Variants in ATP2C1 observed in about 807,000 individuals in gnomAD.
ATP2C1 encodes the protein calcium-transporting ATPase type 2C member 1.
Under a neutral mutation model 120.5 loss-of-function variants are expected in ATP2C1, and 31 were observed. The ratio of observed to expected loss-of-function variants is 0.26; its 90% CI spans 0.19 to 0.35. The LOEUF (loss-of-function observed/expected upper bound fraction) is 0.35, where lower values mean the gene tolerates loss of function less well. ATP2C1 is among the 10% of genes least tolerant of loss of function. ATP2C1 has a pLI of 1.00. For synonymous variants in ATP2C1, 351 were observed against 358.7 expected, an observed-to-expected ratio of 0.98 and a Z score of 0.24; for missense variants, 731 against 1,107.5, an observed-to-expected ratio of 0.66 and a Z score of 4.83.
intron 26 of ATP2C1, among the ~76,000 whole-genome samples, chr3:131,012,439 G>A (rs2063360544): frequency 6.6e-6 from 1 of 151,766 alleles, no homozygotes; most frequent in Admixed American, 6.6e-5. Flanking sequence ...TGTATTTTTA[G>A]TAGAGACGGG....
chr3:131,006,635 T>TTGTGTGTGTG (rs3073260), downstream of ATP2C1, among the ~76,000 whole-genome samples: 2 of 147,166 alleles, frequency 1.4e-5, no homozygotes, highest in East Asian at 4.0e-4. Context: ...TAGTGTGTGT[T>TTGTGTGTGTG]TGTGTGTGTG....
Position 130,894,587 on chromosome 3 carries a change from C to T in ATP2C1, c.-180-3C>T. ...GCGCCGCTTCTCCTGGTTTCTCTTG[C>T]AGATGCTGCTGCTAGGGGTGGTGGG... is the stretch of plus-strand genomic sequence containing the variant. On this transcript the variant is annotated splice_polypyrimidine_tract_variant and splice_region_variant and intron_variant, in intron 1 of 27. Transcript: ENST00000510168. This position sits in a 1 kb window ranked among gnomAD's most constrained non-coding sequence, Gnocchi z 4.5. 6.7e-7 allele frequency: 1 copy of T among 1,490,286 alleles called. No individual in the cohort carries two copies. Among genetic ancestry groups the T allele is most frequent in the Non-Finnish European group, 8.9e-7 (1 of 1,119,734 alleles). The allele number at this position is 1,490,286 out of a possible 1,614,324, so 92.3% of individuals were successfully genotyped here.
downstream of ATP2C1, among the ~76,000 whole-genome samples, chr3:131,006,012 C>T (rs1378357092): frequency 1.3e-5 from 2 of 152,000 alleles, no homozygotes; most frequent in East Asian, 1.9e-4. Flanking sequence ...AGGTATGCCA[C>T]GTAAGGAAAC....
chr3:130,944,645 A>T (rs1050753918), intron 8 of ATP2C1, among the ~76,000 whole-genome samples: 1 of 152,230 alleles, frequency 6.6e-6, no homozygotes, highest in South Asian at 2.1e-4. Context: ...ACTTTTTGGG[A>T]TACATAGTTA....
chr3:130,975,872 A>C (rs1226418279), intron 18 of ATP2C1, among the ~76,000 whole-genome samples: 1 of 152,218 alleles, frequency 6.6e-6, no homozygotes, highest in Non-Finnish European at 1.5e-5. Context: ...TATATCCTTT[A>C]AGGTGATTGC....
At chr3:130,970,476 C>T (rs1001158589) in intron 17 of ATP2C1, among the ~76,000 whole-genome samples, 6 of 151,982 alleles carry the variant, frequency 3.9e-5, no homozygotes, top group African/African-American at 1.5e-4. Flanking sequence ...ACTGCAACCT[C>T]AACCTCCCCT....
intron 6 of ATP2C1, among the ~76,000 whole-genome samples, chr3:130,939,502 A>G (rs1262656592): frequency 1.3e-5 from 2 of 152,218 alleles, no homozygotes; most frequent in African/African-American, 4.8e-5. Flanking sequence ...TCATTTTGAT[A>G]TAGAGGTATC....
At chr3:130,922,661 AC>A (rs2059022062) in intron 2 of ATP2C1, among the ~76,000 whole-genome samples, 1 of 151,962 alleles carries the variant, frequency 6.6e-6, no homozygotes, top group African/African-American at 2.4e-5. Flanking sequence ...TGTCACTGTT[AC>A]CCCTCAGTTC....
At chr3:130,925,090 C>G (rs2059144563) in intron 2 of ATP2C1, among the ~76,000 whole-genome samples, 1 of 152,120 alleles carries the variant, frequency 6.6e-6, no homozygotes, top group South Asian at 2.1e-4. Context: ...GAGAGTTCGT[C>G]TTTGTTCGGA....
At chr3:130,986,913 GTTTAGTTTAGTTAGT>G (rs1407755999) in intron 20 of ATP2C1, among the ~76,000 whole-genome samples, 23 of 34,366 alleles carry the variant, frequency 6.7e-4, no homozygotes, top group African/African-American at 1.5e-3. Context: ...GTTTAGTTTA[GTTTAGTTTAGTTAGT>G]TTAGTTTAGT....
intron 1 of ATP2C1, among the ~76,000 whole-genome samples, chr3:130,878,310 C>G (rs112450670): frequency 0.013 from 2,044 of 152,096 alleles, 41 homozygotes; most frequent in African/African-American, 0.047. Flanking sequence ...AAATGTTTAG[C>G]CCTAAGGTTG....
chr3:131,012,352 G>A (rs2063355149), intron 26 of ATP2C1, among the ~76,000 whole-genome samples: 1 of 150,918 alleles, frequency 6.6e-6, no homozygotes, highest in South Asian at 2.1e-4. Context: ...CTGTCTCCCG[G>A]GTTCAAGCAG....
At chr3:130,958,165 G>A (rs990010654) in intron 11 of ATP2C1, among the ~76,000 whole-genome samples, 1 of 151,940 alleles carries the variant, frequency 6.6e-6, no homozygotes, top group Non-Finnish European at 1.5e-5. Flanking sequence ...TTATATGTTA[G>A]TATATTACAT....
chr3:130,929,352 A>G (rs1254891288), intron 2 of ATP2C1, among the ~76,000 whole-genome samples: 1 of 152,222 alleles, frequency 6.6e-6, no homozygotes, highest in Non-Finnish European at 1.5e-5. Flanking sequence ...AAATGCAAAA[A>G]GCCTTTATGT....
rs2062895717 is a variant in ATP2C1 at position 131,001,747 on chromosome 3, T to C, written c.*397T>C. 1.0e-6 allele frequency: 1 copy of C among 979,384 alleles called. No homozygotes were observed. Among genetic ancestry groups the C allele is most frequent in the Non-Finnish European group, 1.2e-6 (1 of 824,002 alleles). 60.7% of individuals were successfully genotyped at this position (979,384 alleles called of 1,614,324 possible). A position where few individuals can be genotyped will look rare whatever the true frequency, so the allele number is the denominator to read the frequency against. ...TATGGTGGTGGGGCTTTCTTACTAA[T>C]ACACAAATAAATTTAATCATTTCAA... On this transcript the variant is annotated 3_prime_UTR_variant, in exon 28 of 28. Transcript: ENST00000510168.
At chr3:130,968,291 T>C (rs1055142909) in intron 16 of ATP2C1, among the ~76,000 whole-genome samples, 1 of 152,226 alleles carries the variant, frequency 6.6e-6, no homozygotes, top group Non-Finnish European at 1.5e-5. Flanking sequence ...AAGATATTAG[T>C]TTCTTTGAGG....
intron 12 of ATP2C1, 181 bp from the exon 13 acceptor site, chr3:130,963,790 A>G (rs1235679965): frequency 3.0e-6 from 2 of 661,256 alleles, no homozygotes; most frequent in Non-Finnish European, 5.0e-6. Context: ...CACTGTGCTT[A>G]ACCTGGCAGC....
intron 2 of ATP2C1, among the ~76,000 whole-genome samples, chr3:130,920,195 T>G (rs1351983207): frequency 6.6e-6 from 1 of 152,224 alleles, no homozygotes; most frequent in East Asian, 1.9e-4. Flanking sequence ...TTTGATGTAG[T>G]CCCACTTGTT....
chr3:130,865,472 G>A (rs1399403420), intron 1 of ATP2C1, among the ~76,000 whole-genome samples: 2 of 152,160 alleles, frequency 1.3e-5, no homozygotes, highest in African/African-American at 4.8e-5. Flanking sequence ...GAAATGTTAG[G>A]AGATGATATT....
Sources: allele counts gnomAD v4.1 joint callset (sites outside exome capture counted in the v4.1 genomes callset), GRCh38; gene constraint gnomAD v4.1.1; non-coding constraint Gnocchi (gnomAD v3.1); transcripts MANE v1.5; gene names NCBI Gene and HGNC (gene_info 2026-07-23, HGNC 2026-07-21).